ROS1: variants seen among roughly 807,000 people sequenced by gnomAD.
ROS1 encodes the protein ROS proto-oncogene 1, receptor tyrosine kinase.
In ROS1, 263 loss-of-function variants were observed where a neutral mutation model predicts 273.5. That is an observed-to-expected ratio of 0.96 (90% confidence interval 0.87 to 1.06). The LOEUF (loss-of-function observed/expected upper bound fraction) is 1.06. Ranked by LOEUF, ROS1 falls within the 50% of genes least tolerant of loss-of-function variation. The probability of loss-of-function intolerance (pLI) is 0.00; values close to 1 mark genes in which losing one functional copy is unlikely to be tolerated. For synonymous variants in ROS1, 1,008 were observed against 954.1 expected (o/e 1.06, Z -1.04); for missense variants, 2,833 against 2,751.1 (o/e 1.03, Z -0.67).
At chr6:117,290,336 T>C (rs1773749279) in intron 43 of ROS1, among the ~76,000 whole-genome samples, 1 of 152,240 alleles carries the variant, frequency 6.6e-6, no homozygotes, top group African/African-American at 2.4e-5. Flanking sequence ...TTTAGTAACT[T>C]GACCCTGGCA....
At chr6:117,404,521 C>T in intron 5 of ROS1, 93 bp from the exon 6 acceptor site, 2 of 1,106,682 alleles carry the variant, frequency 1.8e-6, no homozygotes, top group South Asian at 1.7e-5. Context: ...TCCGTATTCT[C>T]TTGCTAAAAC....
chr6:117,296,668 G>A (rs1409906098), intron 43 of ROS1, among the ~76,000 whole-genome samples: 4 of 152,092 alleles, frequency 2.6e-5, no homozygotes, highest in African/African-American at 9.7e-5. Context: ...GGGTAGTAAG[G>A]GACAGGGTGG....
chr6:117,311,603 C>T (rs921614915), intron 39 of ROS1, among the ~76,000 whole-genome samples: 12 of 152,084 alleles, frequency 7.9e-5, no homozygotes, highest in Non-Finnish European at 1.3e-4. Flanking sequence ...CATTTAAGTG[C>T]TAGCTGGTTT....
In ROS1 at chr6:117,421,174, T is replaced by C. The variant is rs1050343986; in HGVS notation, c.124-2668A>G. 8.8e-5 allele frequency among the ~76,000 whole-genome samples: 13 copies of C among 148,418 alleles called. No homozygotes were observed. The East Asian group carries it at 2.3e-3, about 27-fold the overall frequency. ...TTAGCCATTTTTATAATATATATTATATATTATATTGGAATATATGAATTG... is the reference window on the plus strand; with the variant it reads ...TTAGCCATTTTTATAATATATATTACATATTATATTGGAATATATGAATTG... On this transcript the variant is annotated intron_variant, in intron 1 of 43. Transcript: ENST00000368507.
chr6:117,398,217 G>A (rs771872321), intron 7 of ROS1, among the ~76,000 whole-genome samples: 1 of 151,998 alleles, frequency 6.6e-6, no homozygotes, highest in Non-Finnish European at 1.5e-5. Context: ...CACCATTGAA[G>A]CAAGTTAAAT....
intron 27 of ROS1, among the ~76,000 whole-genome samples, chr6:117,347,344 G>C (rs776222301): frequency 6.6e-6 from 1 of 152,078 alleles, no homozygotes; most frequent in Non-Finnish European, 1.5e-5. Flanking sequence ...GATACTGTGT[G>C]TTTAATTTCT....
chr6:117,358,169 C>T (rs2128646149), intron 24 of ROS1, among the ~76,000 whole-genome samples, 160 bp from the exon 25 acceptor site: 1 of 152,336 alleles, frequency 6.6e-6, no homozygotes, highest in East Asian at 1.9e-4. Context: ...GGGCACTGTT[C>T]TCACATTTTT....
chr6:117,342,751 T>C (rs1378826482), intron 28 of ROS1, among the ~76,000 whole-genome samples: 1 of 152,182 alleles, frequency 6.6e-6, no homozygotes, highest in East Asian at 1.9e-4. Context: ...AAATGATTGG[T>C]AGCCTTCAGT....
intron 33 of ROS1, among the ~76,000 whole-genome samples, chr6:117,327,044 C>T (rs1044938823): frequency 1.3e-5 from 2 of 152,204 alleles, no homozygotes; most frequent in Non-Finnish European, 2.9e-5. Flanking sequence ...AAGGCAAGCT[C>T]AAGGTCTTCC....
intron 39 of ROS1, among the ~76,000 whole-genome samples, chr6:117,314,557 C>T (rs1775769537): frequency 6.6e-6 from 1 of 152,062 alleles, no homozygotes; most frequent in African/African-American, 2.4e-5. Context: ...CTATAGAAAA[C>T]AAACAAATAA....
At chr6:117,321,038 A>G (rs1229886833) in intron 36 of ROS1, among the ~76,000 whole-genome samples, 2 of 152,164 alleles carry the variant, frequency 1.3e-5, no homozygotes, top group Non-Finnish European at 2.9e-5. Flanking sequence ...ATGACAAAAT[A>G]CTGGAAACTA....
chr6:117,412,218 A>G (rs1471654145), intron 4 of ROS1, among the ~76,000 whole-genome samples: 2 of 152,190 alleles, frequency 1.3e-5, no homozygotes, highest in African/African-American at 4.8e-5. Flanking sequence ...AGAGCAGTAA[A>G]AAGCCATTGA....
chr6:117,356,523 TATC>T (rs779703468), intron 26 of ROS1, 103 bp downstream of exon 26: 3 of 1,038,108 alleles, frequency 2.9e-6, no homozygotes. Flanking sequence ...ACAGAGCAAA[TATC>T]ATGTGTATAT....
At chr6:117,338,290 A>G (rs1442066191) in intron 31 of ROS1, among the ~76,000 whole-genome samples, 1 of 152,066 alleles carries the variant, frequency 6.6e-6, no homozygotes, top group African/African-American at 2.4e-5. Flanking sequence ...TTTTCTATTC[A>G]GTAAGGAATG....
At chr6:117,324,975 T>C (rs1776533265) in intron 34 of ROS1, among the ~76,000 whole-genome samples, 1 of 152,024 alleles carries the variant, frequency 6.6e-6, no homozygotes, top group Non-Finnish European at 1.5e-5. Flanking sequence ...GTGTTATTTT[T>C]AAAAAGAAGG....
At chr6:117,316,921 T>C (rs759253183) in intron 39 of ROS1, among the ~76,000 whole-genome samples, 7 of 152,006 alleles carry the variant, frequency 4.6e-5, no homozygotes, top group Non-Finnish European at 8.8e-5. Context: ...TGTTCTCCCA[T>C]TAAATACTAA....
intron 1 of ROS1, among the ~76,000 whole-genome samples, chr6:117,421,652 T>C (rs1329160317): frequency 1.3e-5 from 2 of 152,216 alleles, no homozygotes; most frequent in African/African-American, 4.8e-5. Flanking sequence ...CATTTTTTTA[T>C]CCACTCATCA....
chr6:117,399,022 G>A (rs1773735523), intron 7 of ROS1, among the ~76,000 whole-genome samples: 1 of 150,048 alleles, frequency 6.7e-6, no homozygotes, highest in Non-Finnish European at 1.5e-5. Flanking sequence ...CATTCCCACA[G>A]CTAAAAGAGA....
chr6:117,374,897 C>G (rs1174139931), intron 18 of ROS1, among the ~76,000 whole-genome samples: 1 of 152,156 alleles, frequency 6.6e-6, no homozygotes, highest in Non-Finnish European at 1.5e-5. Flanking sequence ...TGTGAAAATT[C>G]CTTCAAGAAC....
Sources: allele counts gnomAD v4.1 joint callset (sites outside exome capture counted in the v4.1 genomes callset), GRCh38; gene constraint gnomAD v4.1.1; transcripts MANE v1.5; gene names NCBI Gene and HGNC (gene_info 2026-07-23, HGNC 2026-07-21).